ROBO2: variants seen among roughly 807,000 people sequenced by gnomAD.
ROBO2 encodes roundabout guidance receptor 2.
ROBO2 carries 53 observed loss-of-function variants against 160.8 expected under a neutral mutation model. The observed-to-expected ratio is 0.33, with a 90% confidence interval of 0.26 to 0.41. ROBO2 has a LOEUF of 0.41. Among genes scored for constraint, ROBO2 ranks in the 10% least tolerant of loss-of-function variants. ROBO2 has a pLI of 1.00. For synonymous variants in ROBO2, 664 were observed against 611.7 expected, an observed-to-expected ratio of 1.09 and a Z score of -1.26; for missense variants, 1,577 against 1,722.4, an observed-to-expected ratio of 0.92 and a Z score of 1.49.
intron 2 of ROBO2, among the ~76,000 whole-genome samples, chr3:76,392,056 T>C (rs2077180496): frequency 6.6e-6 from 1 of 152,194 alleles, no homozygotes; most frequent in Admixed American, 6.5e-5. Context: ...ATAACATGTT[T>C]TCTTCATAAC....
intron 2 of ROBO2, among the ~76,000 whole-genome samples, chr3:77,289,090 C>T (rs892179717): frequency 1.3e-5 from 2 of 152,072 alleles, no homozygotes; most frequent in African/African-American, 4.8e-5. Context: ...CATATACAGG[C>T]ACTTGATATG....
At chr3:76,726,277 G>A (rs1414804575) in intron 2 of ROBO2, among the ~76,000 whole-genome samples, 1 of 151,972 alleles carries the variant, frequency 6.6e-6, no homozygotes, top group Non-Finnish European at 1.5e-5. Flanking sequence ...CTGTCTACCT[G>A]TTCAGTCTCA....
chr3:76,250,371 T>C (rs1373540485), intron 2 of ROBO2, among the ~76,000 whole-genome samples: 1 of 152,110 alleles, frequency 6.6e-6, no homozygotes, highest in African/African-American at 2.4e-5. Flanking sequence ...TATTGTATAC[T>C]GAAATCAGAT....
At chr3:75,980,535 A>G (rs2065246356) in intron 2 of ROBO2, among the ~76,000 whole-genome samples, 1 of 151,584 alleles carries the variant, frequency 6.6e-6, no homozygotes, top group Admixed American at 6.6e-5. Flanking sequence ...ATCAGCACCC[A>G]TGGCTGTGGA....
intron 2 of ROBO2, among the ~76,000 whole-genome samples, chr3:76,782,942 G>T (rs1215734033): frequency 5.3e-5 from 8 of 150,230 alleles, no homozygotes; most frequent in Non-Finnish European, 1.2e-4. Context: ...TTACAATTTT[G>T]TAGTGGCTTT....
intron 2 of ROBO2, among the ~76,000 whole-genome samples, chr3:76,507,559 A>T (rs1424980061): frequency 6.6e-6 from 1 of 152,112 alleles, no homozygotes; most frequent in Non-Finnish European, 1.5e-5. Context: ...ATTAGAATGG[A>T]ATCTTTAGAA....
intron 2 of ROBO2, among the ~76,000 whole-genome samples, chr3:76,835,312 T>G (rs1307376268): frequency 6.7e-6 from 1 of 150,348 alleles, no homozygotes; most frequent in East Asian, 1.9e-4. Flanking sequence ...ACATACAATG[T>G]GTTATTTTTA....
intron 2 of ROBO2, among the ~76,000 whole-genome samples, chr3:76,472,423 A>C (rs184421226): frequency 1.9e-3 from 286 of 152,116 alleles, no homozygotes; most frequent in African/African-American, 6.6e-3. Context: ...GATCTGTAAA[A>C]GAAATTTGTT....
chr3:76,514,449 G>A (rs919873142), intron 2 of ROBO2, among the ~76,000 whole-genome samples: 1 of 152,096 alleles, frequency 6.6e-6, no homozygotes, highest in African/African-American at 2.4e-5. Flanking sequence ...GAAAATCACA[G>A]TAACTGTGGT....
chr3:77,264,868 G>A lies in ROBO2; in HGVS notation c.388+166528G>A, dbSNP rs551790207. Reference sequence around the variant, plus strand: ...TTGAATAGATGAAGAGTATAGTTAAGATATTATATTTCAACATTTTTAAAA... The same window carrying A: ...TTGAATAGATGAAGAGTATAGTTAAAATATTATATTTCAACATTTTTAAAA... On this transcript the variant is annotated intron_variant, in intron 2 of 25. Transcript: ENST00000461745. Among the ~76,000 whole-genome samples, 12 of 152,210 alleles carry A rather than the reference G, an allele frequency of 7.9e-5. No homozygotes were observed. In the South Asian group the frequency reaches 2.5e-3, roughly 32 times the overall value.
intron 2 of ROBO2, 55 bp downstream of exon 2, chr3:77,098,395 A>G: frequency 1.3e-6 from 2 of 1,553,770 alleles, no homozygotes; most frequent in Non-Finnish European, 1.8e-6. Flanking sequence ...ATTTCAAGTA[A>G]GTTTTGATGT....
intron 2 of ROBO2, among the ~76,000 whole-genome samples, chr3:76,108,747 C>G (rs917611581): frequency 6.6e-6 from 1 of 151,068 alleles, no homozygotes; most frequent in African/African-American, 2.4e-5. Flanking sequence ...TTACCAAATT[C>G]TGTTGATAGA....
intron 2 of ROBO2, among the ~76,000 whole-genome samples, chr3:76,661,274 C>T (rs2091807482): frequency 6.6e-6 from 1 of 152,082 alleles, no homozygotes; most frequent in African/African-American, 2.4e-5. Context: ...TTTAAGTGAC[C>T]TGAACACTCT....
chr3:76,840,742 A>G (rs1038208618), intron 2 of ROBO2, among the ~76,000 whole-genome samples: 3 of 150,768 alleles, frequency 2.0e-5, no homozygotes, highest in African/African-American at 7.3e-5. Context: ...TCTTTGATTA[A>G]ACTTTTGCTA....
chr3:76,347,630 G>C (rs2074607631), intron 2 of ROBO2, among the ~76,000 whole-genome samples: 1 of 151,928 alleles, frequency 6.6e-6, no homozygotes, highest in African/African-American at 2.4e-5. Flanking sequence ...ACTTTTTAGA[G>C]TTGTGCTTTT....
At chr3:76,576,704 T>TC (rs1380390354) in intron 2 of ROBO2, among the ~76,000 whole-genome samples, 8 of 137,404 alleles carry the variant, frequency 5.8e-5, no homozygotes, top group South Asian at 4.6e-4. Flanking sequence ...TTTCTTTCTT[T>TC]TTTTTTTTTT....
At chr3:76,412,952 G>T (rs6808493) in intron 2 of ROBO2, among the ~76,000 whole-genome samples, 85,742 of 152,146 alleles carry the variant, frequency 0.56, 24,689 homozygotes, top group African/African-American at 0.67. Flanking sequence ...GGTTCTCCAT[G>T]AGGGCCCCAC....
intron 24 of ROBO2, among the ~76,000 whole-genome samples, chr3:77,635,827 A>G (rs1398656489): frequency 6.6e-6 from 1 of 152,144 alleles, no homozygotes; most frequent in Non-Finnish European, 1.5e-5. Context: ...CTCAGAACTT[A>G]TCTCCATCAT....
rs192600129 is a variant in ROBO2, at chr3:77,296,820, C to A, written c.389-180594C>A. Among the ~76,000 whole-genome samples, 3 of 152,170 alleles carry A rather than the reference C, an allele frequency of 2.0e-5. No homozygotes were observed. The East Asian group carries it at 5.8e-4, about 29-fold the overall frequency. ...TGCAACATGAGACTGAATAGCTGGC[C>A]AAGAAGAAGCTTCTAGGCCATTATA... On this transcript the variant is annotated intron_variant, in intron 2 of 25. Coordinates refer to ENST00000461745, the Ensembl canonical transcript of ROBO2.
Sources: allele counts gnomAD v4.1 joint callset (sites outside exome capture counted in the v4.1 genomes callset), GRCh38; gene constraint gnomAD v4.1.1; transcripts MANE v1.5; gene names NCBI Gene and HGNC (gene_info 2026-07-23, HGNC 2026-07-21).